The following SV2C variants were observed in gnomAD, a reference collection of about 807,000 sequenced individuals.
SV2C encodes synaptic vesicle glycoprotein 2C.
Under a neutral mutation model 79.7 loss-of-function variants are expected in SV2C, and 49 were observed. That is an observed-to-expected ratio of 0.61 (90% CI 0.49 to 0.78). SV2C has a LOEUF of 0.78. Among genes scored for constraint, SV2C ranks in the 30% least tolerant of loss-of-function variants. The pLI, the probability that SV2C is intolerant of heterozygous loss-of-function variation, is 0.00. For synonymous variants in SV2C, 334 were observed against 333.2 expected (o/e 1.00, Z -0.03); for missense variants, 833 against 912.9 (o/e 0.91, Z 1.13).
At chr5:76,347,522 G>A (rs1038086576) in intron 12 of SV2C, among the ~76,000 whole-genome samples, 5 of 152,090 alleles carry the variant, frequency 3.3e-5, no homozygotes, top group African/African-American at 9.7e-5. Context: ...TCCTCTCACT[G>A]CAACCTCCAC....
In SV2C at chr5:76,117,543, A is replaced by T. The variant is rs571317261; in HGVS notation, c.-101-14107A>T. Among the ~76,000 whole-genome samples the T allele has an allele frequency of 1.1e-4, 16 of 152,338 alleles. No individual in the cohort carries two copies. The South Asian group carries it at 3.3e-3, about 32-fold the overall frequency. On this transcript the variant is annotated intron_variant, in intron 1 of 12. Transcript: ENST00000502798. Reference sequence around the variant, plus strand: ...ACTTGCAGAAGATGAAGCATGGAGGATACATGCACTGAGATTAAAACATGT... The same window carrying T: ...ACTTGCAGAAGATGAAGCATGGAGGTTACATGCACTGAGATTAAAACATGT...
intron 4 of SV2C, among the ~76,000 whole-genome samples, chr5:76,246,034 G>C (rs1048022295): frequency 5.9e-5 from 9 of 151,626 alleles, no homozygotes; most frequent in Non-Finnish European, 1.0e-4. Context: ...GGATTCTGAA[G>C]GACATATATT....
At chr5:76,108,557 T>C (rs1748001581) in intron 1 of SV2C, among the ~76,000 whole-genome samples, 1 of 145,942 alleles carries the variant, frequency 6.9e-6, no homozygotes. Context: ...CTTAAAATTG[T>C]ATTCTTCACC....
chr5:76,211,861 A>C (rs1046752979), intron 4 of SV2C, among the ~76,000 whole-genome samples: 3 of 152,228 alleles, frequency 2.0e-5, no homozygotes, highest in African/African-American at 7.2e-5. Context: ...GAAAAGTTAC[A>C]TGAAAACTGA....
At chr5:76,336,064 CTCCCTCCCGG>C, downstream of SV2C, among the ~76,000 whole-genome samples, 1 of 64,858 alleles carries the variant, frequency 1.5e-5, no homozygotes. Flanking sequence ...ACCCCCCCAC[CTCCCTCCCGG>C]ACGGGGCGGC....
chr5:76,063,291 A>C, the SV2C span, among the ~76,000 whole-genome samples: 1 of 152,100 alleles, frequency 6.6e-6, no homozygotes. Flanking sequence ...GGAAGCTAGG[A>C]ATTCTTTCCT....
chr5:75,871,646 A>G, the SV2C span, among the ~76,000 whole-genome samples: 1 of 151,740 alleles, frequency 6.6e-6, no homozygotes, highest in Non-Finnish European at 1.5e-5. Context: ...CGTCTCTACT[A>G]AAAATACAAA....
chr5:75,879,571 C>T, the SV2C span, among the ~76,000 whole-genome samples: 6 of 152,214 alleles, frequency 3.9e-5, no homozygotes, highest in African/African-American at 1.4e-4. Flanking sequence ...AAGAGGTGGG[C>T]TCCCAAGGCC....
At chr5:76,079,177 T>C (rs1224902880), upstream of SV2C, 1 of 338,956 alleles carries the variant, frequency 3.0e-6, no homozygotes, top group African/African-American at 2.2e-5. Flanking sequence ...GGATGTTGAT[T>C]CGGCAGAGTG....
intron 12 of SV2C, among the ~76,000 whole-genome samples, chr5:76,324,467 G>C (rs1401151036): frequency 2.6e-5 from 4 of 152,188 alleles, no homozygotes; most frequent in Non-Finnish European, 5.9e-5. Flanking sequence ...GAGGTGACCT[G>C]CCTCTCTCTA....
At chr5:76,209,965 C>G in intron 4 of SV2C, 78 bp downstream of exon 4, 2 of 1,474,688 alleles carry the variant, frequency 1.4e-6, no homozygotes, top group African/African-American at 2.8e-5. Flanking sequence ...TTCCTCTCTT[C>G]TAAGGGCCAC....
chr5:75,920,875 G>A, the SV2C span: 27 of 756,654 alleles, frequency 3.6e-5, no homozygotes, highest in Middle Eastern at 3.7e-4. Context: ...TAATGGGCTG[G>A]GTCAGCGAAG....
chr5:76,000,469 A>G, the SV2C span, among the ~76,000 whole-genome samples: 3 of 152,170 alleles, frequency 2.0e-5, no homozygotes, highest in Admixed American at 6.5e-5. Flanking sequence ...CCTGCCTCAC[A>G]TCTGCTGAAA....
intron 2 of SV2C, chr5:76,174,125 GTCAAAGCAGACTT>G (rs781698247): frequency 1.1e-5 from 18 of 1,605,198 alleles, no homozygotes; most frequent in Non-Finnish European, 1.5e-5. Context: ...AAATTGTACA[GTCAAAGCAGACTT>G]TCCAACGCCT....
chr5:76,336,629 G>A (rs1373485439), downstream of SV2C, among the ~76,000 whole-genome samples: 1 of 152,152 alleles, frequency 6.6e-6, no homozygotes, highest in Non-Finnish European at 1.5e-5. Context: ...ACCAGACTCC[G>A]TCCGCAATCC....
intron 4 of SV2C, among the ~76,000 whole-genome samples, chr5:76,281,863 A>G (rs1037314642): frequency 6.6e-6 from 1 of 152,188 alleles, no homozygotes; most frequent in African/African-American, 2.4e-5. Context: ...GAGCCCAACC[A>G]TATAATATAA....
At chr5:76,221,124 G>A (rs1745052559) in intron 4 of SV2C, among the ~76,000 whole-genome samples, 1 of 152,194 alleles carries the variant, frequency 6.6e-6, no homozygotes, top group South Asian at 2.1e-4. Context: ...ATGTTTAAGT[G>A]TGGCCCTTCC....
the SV2C span, among the ~76,000 whole-genome samples, chr5:75,973,083 A>T: frequency 6.6e-6 from 1 of 151,998 alleles, no homozygotes; most frequent in Non-Finnish European, 1.5e-5. Context: ...AGGACAAAAA[A>T]CCAAACACTA....
At chr5:75,923,268 C>T in the SV2C span, among the ~76,000 whole-genome samples, 2 of 152,080 alleles carry the variant, frequency 1.3e-5, no homozygotes, top group African/African-American at 4.8e-5. Flanking sequence ...AAAATCAACT[C>T]GAGAAGGATC....
Sources: gnomAD v4.1 joint callset for allele counts (sites outside exome capture counted in the v4.1 genomes callset) on GRCh38, gnomAD v4.1.1 for gene constraint, MANE v1.5 for transcripts, NCBI Gene and HGNC (gene_info 2026-07-23, HGNC 2026-07-21) for gene names.